PIK3CD: variants seen among roughly 807,000 people sequenced by gnomAD.
PIK3CD encodes phosphatidylinositol-4,5-bisphosphate 3-kinase catalytic subunit delta.
Under a neutral mutation model 122.9 loss-of-function variants are expected in PIK3CD, and 20 were observed. The observed-to-expected ratio is 0.16, with a 90% CI of 0.11 to 0.24. PIK3CD has a LOEUF of 0.24. Among genes scored for constraint, PIK3CD ranks in the 10% least tolerant of loss-of-function variants. The pLI is 1.00. For synonymous variants in PIK3CD, 596 were observed against 593.4 expected (o/e 1.00, Z -0.06); for missense variants, 787 against 1,406.3 (o/e 0.56, Z 7.04).
rs1650026326 is a variant in PIK3CD at position 9,728,439 on chromosome 1, C to A, written c.*1393C>A. On this transcript the variant is annotated 3_prime_UTR_variant, in exon 24 of 24. Transcript: ENST00000377346. ...CCACAGGTGATCCTAACATATCAGGCCATGGACTCAGGACCTGCCCGGTGA... is the reference window on the plus strand; with the variant it reads ...CCACAGGTGATCCTAACATATCAGGACATGGACTCAGGACCTGCCCGGTGA... The A allele has an allele frequency of 6.6e-6, 1 of 152,242 alleles. No homozygotes were observed. The highest frequency in any genetic ancestry group is 1.5e-5 in the Non-Finnish European group (1 of 68,050). The allele number at this position is 152,242 out of a possible 1,614,324, so 9.4% of individuals were successfully genotyped here. A position where few individuals can be genotyped will look rare whatever the true frequency, so the allele number is the denominator to read the frequency against.
chr1:9,703,080 CT>C (rs1646707202), intron 2 of PIK3CD, among the ~76,000 whole-genome samples: 1 of 152,158 alleles, frequency 6.6e-6, no homozygotes, highest in Non-Finnish European at 1.5e-5. Flanking sequence ...CTGTGTTGGT[CT>C]CTTCTCAAGT....
Position 9,727,214 on chromosome 1 carries a change from G to A in PIK3CD, c.*168G>A, listed in dbSNP as rs2101044593. 3.7e-6 allele frequency: 3 copies of A among 811,712 alleles called. No homozygotes were observed. Among genetic ancestry groups the A allele is most frequent in the South Asian group, 3.1e-5 (2 of 63,498 alleles). 50.3% of individuals were successfully genotyped at this position (811,712 alleles called of 1,614,324 possible). ...TTATTTATGACTTGAAATAGTTTAA[G>A]GAGCTAAACAGCCATAAACGGAAAC... On this transcript the variant is annotated 3_prime_UTR_variant, in exon 24 of 24. Coordinates refer to ENST00000377346, the MANE Select transcript of PIK3CD (RefSeq NM_005026.5).
rs1220175470 is a variant in PIK3CD at position 9,720,854 on chromosome 1, C to T, written c.1634C>T (p.Ala545Val). 2.5e-6 allele frequency: 4 copies of T among 1,610,750 alleles called. No individual in the cohort carries two copies. Among genetic ancestry groups the T allele is most frequent in the Non-Finnish European group, 3.4e-6 (4 of 1,178,728 alleles). ...RHEVQEHFPE[A>V]LARLLLVTKW... Reference sequence around the variant, plus strand: ...GAAGTCCAGGAGCACTTCCCGGAGGCGCTAGCCCGGCTGCTGCTGGTCACC... The same window carrying T: ...GAAGTCCAGGAGCACTTCCCGGAGGTGCTAGCCCGGCTGCTGCTGGTCACC... Residue 545 changes from alanine to valine, a missense_variant, in exon 13 of 24, where the codon GCG becomes GTG. Ala to Val is a moderately conservative substitution (Grantham distance 64, BLOSUM62 0). Transcript: ENST00000377346. This position sits in a 1 kb window ranked among gnomAD's most constrained non-coding sequence, Gnocchi z 9.0.
upstream of PIK3CD, among the ~76,000 whole-genome samples, chr1:9,651,512 T>C (rs1644670174): frequency 6.6e-6 from 1 of 152,168 alleles, no homozygotes. Flanking sequence ...ACTTGTTTTG[T>C]AGAAGGGCAA....
chr1:9,666,392 C>G (rs1645161231), intron 1 of PIK3CD, among the ~76,000 whole-genome samples: 1 of 151,054 alleles, frequency 6.6e-6, no homozygotes, highest in South Asian at 2.1e-4. Flanking sequence ...CAGGCACCCA[C>G]CAGGCTAATT....
chr1:9,720,618 A>C lies in PIK3CD; in HGVS notation c.1478A>C (p.Glu493Ala), dbSNP rs966409603. ...TGCAGCCGTTTGTTGCAGATCTTGG[A>C]GCTGGGGCGACACAGCGAGTGTGTG... ...VYYPALEKIL[E>A]LGRHSECVHV... The change falls in exon 12 of 24, where the codon GAG (glutamate) becomes GCG (alanine). Residue 493 changes from glutamate (E) to alanine (A), a missense_variant. This residue lies in a region of PIK3CD where 592 missense variants were observed against 920.6 expected (regional missense o/e 0.64). Coordinates refer to ENST00000377346, the MANE Select transcript of PIK3CD (RefSeq NM_005026.5). The surrounding 1 kb of genome is among the most constrained non-coding windows in gnomAD (Gnocchi z 9.0). The C allele has an allele frequency of 7.5e-7, 1 of 1,339,326 alleles. No homozygotes were observed. The highest frequency in any genetic ancestry group is 1.7e-5 in the African/African-American group (1 of 58,464). 83.0% of individuals were successfully genotyped at this position (1,339,326 alleles called of 1,614,324 possible).
chr1:9,635,258 T>C, the PIK3CD span, among the ~76,000 whole-genome samples: 21 of 135,022 alleles, frequency 1.6e-4, no homozygotes, highest in Non-Finnish European at 2.8e-4. Flanking sequence ...CTGGGCAACA[T>C]AGCAAGACTC....
intron 1 of PIK3CD, among the ~76,000 whole-genome samples, chr1:9,655,166 A>G (rs907399360): frequency 6.6e-6 from 1 of 151,942 alleles, no homozygotes; most frequent in Non-Finnish European, 1.5e-5. Flanking sequence ...GTTAGAGAAG[A>G]TGGTCTAGAA....
In PIK3CD at chr1:9,724,674, G is replaced by A; in HGVS notation, c.2865-130G>A. 1 of 1,249,828 alleles carries A rather than the reference G, an allele frequency of 8.0e-7. No individual in the cohort carries two copies. Among genetic ancestry groups the A allele is most frequent in the Non-Finnish European group, 1.2e-6 (1 of 853,126 alleles). 77.4% of individuals were successfully genotyped at this position (1,249,828 alleles called of 1,614,324 possible). On this transcript the variant is annotated intron_variant, in intron 22 of 23. Transcript: ENST00000377346. This position sits in a 1 kb window ranked among gnomAD's most constrained non-coding sequence, Gnocchi z 7.3. ...CGGGGGTCAGTTAGCAGAACTGGAGGCCTTGTGTCCACCCATTATCAGGGC... is the reference window on the plus strand; with the variant it reads ...CGGGGGTCAGTTAGCAGAACTGGAGACCTTGTGTCCACCCATTATCAGGGC...
At chr1:9,649,524 T>C (rs1044555976), upstream of PIK3CD, among the ~76,000 whole-genome samples, 2 of 152,192 alleles carry the variant, frequency 1.3e-5, no homozygotes, top group African/African-American at 4.8e-5. Flanking sequence ...TGAGCCATCA[T>C]GCCTGGCCTG....
chr1:9,721,313 G>A (rs1648611087), intron 14 of PIK3CD, 65 bp downstream of exon 14: 1 of 1,611,244 alleles, frequency 6.2e-7, no homozygotes, highest in Admixed American at 1.7e-5. Flanking sequence ...GCCAGGACGT[G>A]GGCTCTGGGT....
At position 9,720,888 on chromosome 1, in the gene PIK3CD, C is replaced by T. The variant is rs1345715288; in HGVS notation, c.1668C>T (p.Asn556=). The T allele has an allele frequency of 6.2e-7, 1 of 1,600,740 alleles. No homozygotes were observed. The highest frequency in any genetic ancestry group is 1.7e-5 in the Admixed American group (1 of 57,794). ...LARLLLVTKW[N]KHEDVAQMLY... ...GGCTGCTGCTGGTCACCAAGTGGAA[C>T]AAGCATGAGGATGTGGCCCAGGTGG... Residue 556 remains asparagine, a synonymous_variant, in exon 13 of 24, where the codon AAC becomes AAT. Coordinates refer to ENST00000377346, the MANE Select transcript of PIK3CD (RefSeq NM_005026.5). This position sits in a 1 kb window ranked among gnomAD's most constrained non-coding sequence, Gnocchi z 9.0.
At chr1:9,654,428 G>C in intron 1 of PIK3CD, 2 of 1,367,438 alleles carry the variant, frequency 1.5e-6, no homozygotes, top group Non-Finnish European at 2.0e-6. Context: ...AGGCAGACTG[G>C]GAGGGCATCA....
Position 9,719,979 on chromosome 1 carries a change from C to T in PIK3CD, c.1301C>T (p.Thr434Ile), listed in dbSNP as rs772651596. Residue 434 changes from threonine (T) to isoleucine (I), a missense_variant, in exon 10 of 24, where the codon ACC becomes ATC. Thr to Ile is a moderately conservative substitution (Grantham distance 89). This residue lies in a region of PIK3CD where 592 missense variants were observed against 920.6 expected (regional missense o/e 0.64). Transcript: ENST00000377346. This position sits in a 1 kb window ranked among gnomAD's most constrained non-coding sequence, Gnocchi z 5.5. ...MLFDYKDQLK[T>I]GERCLYMWPS... ...TTTGACTACAAGGACCAGCTTAAGA[C>T]CGGGGAACGCTGCCTCTACATGTGG... 1.2e-6 allele frequency: 2 copies of T among 1,613,776 alleles called. No individual in the cohort carries two copies. Among genetic ancestry groups the T allele is most frequent in the South Asian group, 1.1e-5 (1 of 91,086 alleles).
At chr1:9,638,204 T>G in the PIK3CD span, among the ~76,000 whole-genome samples, 1 of 152,036 alleles carries the variant, frequency 6.6e-6, no homozygotes, top group Non-Finnish European at 1.5e-5. Context: ...AGGCTCCTTA[T>G]CAACCTAAAG....
rs371329163 is a variant in PIK3CD, at chr1:9,724,963, C to T, written c.2997+27C>T. The stretch of plus-strand genomic sequence containing the variant: ...TATGTGCCGGGCAGGAGACTGCTGT[C>T]GCCAGTGGACTTCCAAGGCCTGCCC... On this transcript the variant is annotated intron_variant, in intron 23 of 23. Transcript: ENST00000377346. The surrounding 1 kb of genome is among the most constrained non-coding windows in gnomAD (Gnocchi z 7.3). 57 of 1,612,788 alleles carry T rather than the reference C, an allele frequency of 3.5e-5. No individual in the cohort carries two copies. In the African/African-American group the frequency reaches 5.1e-4, roughly 14 times the overall value.
chr1:9,633,471 C>G, the PIK3CD span, among the ~76,000 whole-genome samples: 1 of 152,122 alleles, frequency 6.6e-6, no homozygotes, highest in African/African-American at 2.4e-5. Flanking sequence ...CCACGCCCAG[C>G]TAATTTTTTG....
At position 9,720,544 on chromosome 1, in the gene PIK3CD, C is replaced by G. The variant is rs554590474; in HGVS notation, c.1471-67C>G. 5 of 1,546,280 alleles carry G rather than the reference C, an allele frequency of 3.2e-6. No homozygotes were observed. The highest frequency in any genetic ancestry group is 4.4e-6 in the Non-Finnish European group (5 of 1,144,426). On this transcript the variant is annotated intron_variant, in intron 11 of 23. Coordinates refer to ENST00000377346, the MANE Select transcript of PIK3CD (RefSeq NM_005026.5). This position sits in a 1 kb window ranked among gnomAD's most constrained non-coding sequence, Gnocchi z 9.0. Reference sequence around the variant, plus strand: ...CAAGGATGATTGGGGTGGCAATGCCCGGCCTGGGGGTCCTGCCCGGGCTGG... The same window carrying G: ...CAAGGATGATTGGGGTGGCAATGCCGGGCCTGGGGGTCCTGCCCGGGCTGG...
Position 9,718,837 on chromosome 1 carries a change from C to T in PIK3CD, c.1164C>T (p.Ala388=). The T allele has an allele frequency of 6.2e-7, 1 of 1,613,008 alleles. No homozygotes were observed. The highest frequency in any genetic ancestry group is 8.5e-7 in the Non-Finnish European group (1 of 1,180,016). The part of the protein sequence containing the change: ...DINICDLPRM[A]RLCFALYAVI... ...ACATCTGCGACCTGCCCCGCATGGC[C>T]CGTCTCTGCTTTGCGCTGTACGCCG... The change falls in exon 9 of 24, where the codon GCC becomes GCT. Residue 388 remains alanine, a synonymous_variant. Coordinates refer to ENST00000377346, the MANE Select transcript of PIK3CD (RefSeq NM_005026.5). The surrounding 1 kb of genome is among the most constrained non-coding windows in gnomAD (Gnocchi z 7.2).
Sources: allele counts gnomAD v4.1 joint callset (sites outside exome capture counted in the v4.1 genomes callset), GRCh38; gene constraint gnomAD v4.1.1; regional missense constraint gnomAD v4.1.1; non-coding constraint Gnocchi (gnomAD v3.1); transcripts MANE v1.5; gene names NCBI Gene and HGNC (gene_info 2026-07-23, HGNC 2026-07-21).